PRDM15: variants seen among roughly 807,000 people sequenced by gnomAD.
The protein encoded by PRDM15 is PR/SET domain 15.
Under a neutral mutation model 128.6 loss-of-function variants are expected in PRDM15, and 64 were observed. That is an observed-to-expected ratio of 0.50 (90% CI 0.41 to 0.61). The LOEUF is 0.61. Ranked by LOEUF, PRDM15 falls within the 20% of genes least tolerant of loss-of-function variation. The pLI is 0.00. For synonymous variants in PRDM15, 615 were observed against 621.8 expected, an observed-to-expected ratio of 0.99 and a Z score of 0.16; for missense variants, 1,242 against 1,569.1, an observed-to-expected ratio of 0.79 and a Z score of 3.52.
At position 41,861,867 on chromosome 21, in the gene PRDM15, G is replaced by A. The variant is rs945304512; in HGVS notation, c.-9-1495C>T. The A allele has an allele frequency of 5.1e-6, 8 of 1,579,368 alleles. No homozygotes were observed. In the African/African-American group the frequency reaches 1.1e-4, roughly 21 times the overall value. On this transcript the variant is annotated intron_variant, in intron 1 of 23. Transcript: ENST00000398548. ...CTTAAAATGCCAGAAATAACAAGGGGAGGGGGGTGAAATTTTCTCCCAAAA... is the reference window on the plus strand; with the variant it reads ...CTTAAAATGCCAGAAATAACAAGGGAAGGGGGGTGAAATTTTCTCCCAAAA...
chr21:41,837,315 C>T (rs754634112), intron 8 of PRDM15, among the ~76,000 whole-genome samples: 1 of 152,172 alleles, frequency 6.6e-6, no homozygotes, highest in Non-Finnish European at 1.5e-5. Context: ...ACCCAACTGT[C>T]CATCAATGGA....
intron 22 of PRDM15, 78 bp from the exon 23 acceptor site, chr21:41,802,999 C>T: frequency 2.7e-6 from 3 of 1,096,030 alleles, no homozygotes; most frequent in Non-Finnish European, 2.8e-6. Flanking sequence ...CCCAGCACTG[C>T]CCTGGACACA....
At chr21:41,860,072 C>T (rs919747606) in intron 2 of PRDM15, among the ~76,000 whole-genome samples, 2 of 152,322 alleles carry the variant, frequency 1.3e-5, no homozygotes, top group Non-Finnish European at 2.9e-5. Flanking sequence ...GATTACTTTT[C>T]TGAATCAAGT....
At chr21:41,866,904 C>A (rs1893587) in intron 1 of PRDM15, among the ~76,000 whole-genome samples, 61,123 of 151,882 alleles carry the variant, frequency 0.4, 12,466 homozygotes, top group African/African-American at 0.46. Context: ...GGAGACGCCA[C>A]AACACCTCCA....
At chr21:41,848,088 T>C (rs2063323177) in intron 5 of PRDM15, among the ~76,000 whole-genome samples, 1 of 152,146 alleles carries the variant, frequency 6.6e-6, no homozygotes, top group Admixed American at 6.5e-5. Context: ...TCACTTCGAC[T>C]CTAATCACGA....
chr21:41,827,598 T>A (rs539024792), intron 12 of PRDM15, among the ~76,000 whole-genome samples: 54 of 152,348 alleles, frequency 3.5e-4, no homozygotes, highest in African/African-American at 1.3e-3. Flanking sequence ...AGCTGCAGCC[T>A]CTCAAAGTGC....
intron 18 of PRDM15, among the ~76,000 whole-genome samples, chr21:41,817,894 T>A (rs1159271674): frequency 6.6e-6 from 1 of 152,226 alleles, no homozygotes; most frequent in East Asian, 1.9e-4. Context: ...TAAAAAACGA[T>A]GCAACTAAAT....
chr21:41,876,935 G>T (rs886780568), intron 1 of PRDM15, among the ~76,000 whole-genome samples: 4 of 152,124 alleles, frequency 2.6e-5, no homozygotes, highest in African/African-American at 9.7e-5. Flanking sequence ...TGCAGACTCT[G>T]CCCCGCCACT....
chr21:41,839,767 T>G lies in PRDM15; in HGVS notation c.727A>C (p.Thr243Pro). The G allele has an allele frequency of 6.2e-7, 1 of 1,614,272 alleles. No homozygotes were observed. The highest frequency in any genetic ancestry group is 8.5e-7 in the Non-Finnish European group (1 of 1,180,048). ...EAAAPEKEQD[T>P]PRGEPPAVPE... The stretch of plus-strand genomic sequence containing the variant: ...ACTGCAGGGGGTTCCCCCCGGGGTG[T>G]GTCCTGCTCCTTCTCGGGAGCTGCT... Residue 243 changes from threonine (T) to proline (P), a missense_variant, in exon 7 of 24, where the codon ACA becomes CCA. Transcript: ENST00000398548.
Position 41,821,669 on chromosome 21 carries a change from G to C in PRDM15, c.1896+234C>G, listed in dbSNP as rs150074170. On this transcript the variant is annotated intron_variant, in intron 15 of 23. Coordinates refer to ENST00000398548, the MANE Select transcript of PRDM15 (RefSeq NM_001040424.3). This position sits in a 1 kb window ranked among gnomAD's most constrained non-coding sequence, Gnocchi z 5.4. Reference sequence around the variant, plus strand: ...GTCACAAGGCAAGTTCCTGGAGGGCGCCTGTGAGACCCACACAGACCGTCC... The same window carrying C: ...GTCACAAGGCAAGTTCCTGGAGGGCCCCTGTGAGACCCACACAGACCGTCC... 1.5e-4 allele frequency among the ~76,000 whole-genome samples: 23 copies of C among 152,278 alleles called. No homozygotes were observed. Among genetic ancestry groups the C allele is most frequent in the Admixed American group, 9.8e-4 (15 of 15,302 alleles).
intron 5 of PRDM15, among the ~76,000 whole-genome samples, chr21:41,847,661 G>A (rs559876336): frequency 1.5e-4 from 23 of 152,288 alleles, no homozygotes; most frequent in African/African-American, 5.5e-4. Flanking sequence ...AGCGCTATCC[G>A]GCAGAGCTTT....
chr21:41,837,438 A>G (rs138894877), intron 8 of PRDM15, among the ~76,000 whole-genome samples: 325 of 152,346 alleles, frequency 2.1e-3, no homozygotes, highest in Middle Eastern at 6.8e-3. Flanking sequence ...AGCCAGTCAC[A>G]TAAGGACAAA....
At chr21:41,826,674 A>T (rs904191152) in intron 12 of PRDM15, among the ~76,000 whole-genome samples, 1 of 152,180 alleles carries the variant, frequency 6.6e-6, no homozygotes. Context: ...CTGCCGACCC[A>T]TTCTGGGAGC....
rs770130855 is a variant in PRDM15, at chr21:41,835,470, C to T, written c.1333G>A (p.Glu445Lys). 5.0e-6 allele frequency: 8 copies of T among 1,610,284 alleles called. No homozygotes were observed. The highest frequency in any genetic ancestry group is 2.2e-5 in the East Asian group (1 of 44,882). Residue 445 changes from glutamate (E) to lysine (K), a missense_variant, in exon 11 of 24, where the codon GAG (glutamate) becomes AAG (lysine). By Grantham distance (56) the Glu-to-Lys change is moderately conservative (BLOSUM62 1). This residue lies in a region of PRDM15 where 612 missense variants were observed against 717.0 expected (regional missense o/e 0.85). Transcript: ENST00000398548. ...CAGTTGTGGAACTCCAGCGCGCTCT[C>T]GATGCGGAAGGTCTTCTCACAAGTG... ...CGTCEKTFRI[E>K]SALEFHNCRT... is the part of the protein sequence containing the mutation.
chr21:41,809,000 G>A (rs956452619), intron 21 of PRDM15, among the ~76,000 whole-genome samples: 9 of 152,276 alleles, frequency 5.9e-5, no homozygotes, highest in East Asian at 5.8e-4. Flanking sequence ...AAAACCCCCC[G>A]CCCCCGCAAG....
Position 41,835,465 on chromosome 21 carries a change from G to A in PRDM15, c.1338C>T (p.Ser446=), listed in dbSNP as rs1306882041. 9.9e-6 allele frequency: 16 copies of A among 1,609,884 alleles called. No individual in the cohort carries two copies. Among genetic ancestry groups the A allele is most frequent in the South Asian group, 7.7e-5 (7 of 91,078 alleles). The change falls in exon 11 of 24, where the codon AGC becomes AGT. Residue 446 remains serine, a synonymous_variant. Transcript: ENST00000398548. ...GTCEKTFRIE[S]ALEFHNCRTD... ...TCCTGCAGTTGTGGAACTCCAGCGC[G>A]CTCTCGATGCGGAAGGTCTTCTCAC...
At chr21:41,837,796 G>C in intron 8 of PRDM15, 138 bp downstream of exon 8, 2 of 703,366 alleles carry the variant, frequency 2.8e-6, no homozygotes, top group Non-Finnish European at 4.8e-6. Context: ...GAACATTCCT[G>C]CTGCCTCCTC....
intron 1 of PRDM15, among the ~76,000 whole-genome samples, chr21:41,873,239 CGGATCTGGAA>C (rs2064278332): frequency 6.6e-6 from 1 of 152,210 alleles, no homozygotes; most frequent in East Asian, 1.9e-4. Context: ...GTCTACTCCC[CGGATCTGGAA>C]AGCACATTTT....
chr21:41,816,625 T>C (rs1295566624), intron 18 of PRDM15, among the ~76,000 whole-genome samples: 1 of 152,180 alleles, frequency 6.6e-6, no homozygotes, highest in Non-Finnish European at 1.5e-5. Flanking sequence ...TGGTCAACGG[T>C]TCCCCTGTGA....
Sources: gnomAD v4.1 joint callset for allele counts (sites outside exome capture counted in the v4.1 genomes callset) on GRCh38, gnomAD v4.1.1 for gene constraint, gnomAD v4.1.1 regional missense constraint, Gnocchi (gnomAD v3.1) non-coding constraint, MANE v1.5 for transcripts, NCBI Gene and HGNC (gene_info 2026-07-23, HGNC 2026-07-21) for gene names.